EPS8: variants seen among roughly 807,000 people sequenced by gnomAD.
The protein encoded by EPS8 is epidermal growth factor receptor kinase substrate 8.
A neutral mutation model predicts 103.8 loss-of-function variants in EPS8; 42 were observed. The ratio of observed to expected loss-of-function variants is 0.40; its 90% confidence interval spans 0.32 to 0.52. The LOEUF (loss-of-function observed/expected upper bound fraction) is 0.52. EPS8 is among the 20% of genes least tolerant of loss of function. The pLI, the probability that EPS8 is intolerant of heterozygous loss-of-function variation, is 0.40. For synonymous variants in EPS8, 344 were observed against 344.6 expected (o/e 1.00, Z 0.02); for missense variants, 969 against 1,005.1 (o/e 0.96, Z 0.49).
At position 15,747,848 on chromosome 12, in the gene EPS8, G is replaced by A. The variant is rs552613442; in HGVS notation, c.-22+41313C>T. The stretch of plus-strand genomic sequence containing the variant: ...ATCCTGGCTAACACGGTGAAACCCC[G>A]TCTCTACTAAAAATACAAAGAATTA... On this transcript the variant is annotated intron_variant, in intron 1 of 20. Transcript: ENST00000281172. The surrounding 1 kb of genome is among the most constrained non-coding windows in gnomAD (Gnocchi z 4.4). Among the ~76,000 whole-genome samples the A allele has an allele frequency of 1.6e-4, 25 of 152,106 alleles. No individual in the cohort carries two copies. The East Asian group carries it at 2.1e-3, about 13-fold the overall frequency.
chr12:15,647,143 T>C lies in EPS8; in HGVS notation c.1552A>G (p.Asn518Asp), dbSNP rs1169878207. ...AAATGTTACCTATCTATATGGCGAT[T>C]AGAAGTTGGCTTAAAAGCAACAGCA... is the stretch of plus-strand genomic sequence containing the variant. Reference protein sequence around the residue: ...EAAVAFKPTSNRHIDRNYEPL... With the variant: ...EAAVAFKPTSDRHIDRNYEPL... The change falls in exon 15 of 21, where the codon AAT becomes GAT. Residue 518 changes from asparagine to aspartate, a missense_variant. By Grantham distance (23) the Asn-to-Asp change is conservative. Coordinates refer to ENST00000281172, the MANE Select transcript of EPS8 (RefSeq NM_004447.6). The C allele has an allele frequency of 6.2e-7, 1 of 1,613,812 alleles. No homozygotes were observed. Among genetic ancestry groups the C allele is most frequent in the South Asian group, 1.1e-5 (1 of 90,980 alleles).
Position 15,736,860 on chromosome 12 carries a change from T to C in EPS8, c.-22+52301A>G, listed in dbSNP as rs1220973779. ...CCCCAATAAACAGTACGCATGATGA[T>C]GAATTTACATTATGCTTATGAAGGA... On this transcript the variant is annotated intron_variant, in intron 1 of 20. Coordinates refer to ENST00000281172, the MANE Select transcript of EPS8 (RefSeq NM_004447.6). This position sits in a 1 kb window ranked among gnomAD's most constrained non-coding sequence, Gnocchi z 4.2. Among the ~76,000 whole-genome samples the C allele has an allele frequency of 2.0e-5, 3 of 152,156 alleles. No individual in the cohort carries two copies. The highest frequency in any genetic ancestry group is 4.4e-5 in the Non-Finnish European group (3 of 68,014).
rs909372540 is a variant in EPS8, at chr12:15,696,602, T to C, written c.-21-13630A>G. 6.6e-6 allele frequency among the ~76,000 whole-genome samples: 1 copy of C among 152,076 alleles called. No homozygotes were observed. The highest frequency in any genetic ancestry group is 1.5e-5 in the Non-Finnish European group (1 of 67,984). On this transcript the variant is annotated intron_variant, in intron 1 of 20. Coordinates refer to ENST00000281172, the MANE Select transcript of EPS8 (RefSeq NM_004447.6). The surrounding 1 kb of genome is among the most constrained non-coding windows in gnomAD (Gnocchi z 4.8). ...GTTGCAGTGAGCCAAGATCGCACCATTGAACTCCAGCCTGGCGACAGAGCG... is the reference window on the plus strand; with the variant it reads ...GTTGCAGTGAGCCAAGATCGCACCACTGAACTCCAGCCTGGCGACAGAGCG...
At chr12:15,653,555 A>G (rs1014014204) in intron 13 of EPS8, among the ~76,000 whole-genome samples, 1 of 152,154 alleles carries the variant, frequency 6.6e-6, no homozygotes, top group African/African-American at 2.4e-5. Context: ...CTACCTGGAC[A>G]GGCCCTTGCC....
At chr12:15,667,845 A>C (rs1417065380) in intron 6 of EPS8, among the ~76,000 whole-genome samples, 1 of 152,188 alleles carries the variant, frequency 6.6e-6, no homozygotes, top group East Asian at 1.9e-4. Flanking sequence ...TTTTGGGGTT[A>C]GGACAAAACT....
At chr12:15,710,345 T>C (rs1946445377) in intron 1 of EPS8, among the ~76,000 whole-genome samples, 1 of 152,184 alleles carries the variant, frequency 6.6e-6, no homozygotes, top group African/African-American at 2.4e-5. Flanking sequence ...TACATCTAAA[T>C]ATGACACAAA....
chr12:15,687,013 T>G (rs1946104723), intron 1 of EPS8, among the ~76,000 whole-genome samples: 1 of 152,016 alleles, frequency 6.6e-6, no homozygotes, highest in Non-Finnish European at 1.5e-5. Context: ...TACAACCAAG[T>G]GGGAGGGGGT....
intron 20 of EPS8, among the ~76,000 whole-genome samples, chr12:15,622,020 C>G (rs1235098593): frequency 1.3e-5 from 2 of 152,136 alleles, no homozygotes; most frequent in Non-Finnish European, 2.9e-5. Context: ...TAGTCAGCCT[C>G]TGCCTCAGTT....
intron 14 of EPS8, among the ~76,000 whole-genome samples, chr12:15,648,664 G>A (rs1945361420): frequency 6.6e-6 from 1 of 152,094 alleles, no homozygotes; most frequent in Admixed American, 6.5e-5. Flanking sequence ...TCTAACTGTT[G>A]GAAGCACCCA....
Position 15,745,010 on chromosome 12 carries a change from T to A in EPS8, c.-22+44151A>T, listed in dbSNP as rs1234185224. Among the ~76,000 whole-genome samples the A allele has an allele frequency of 2.0e-5, 3 of 152,100 alleles. No individual in the cohort carries two copies. Among genetic ancestry groups the A allele is most frequent in the African/African-American group, 7.2e-5 (3 of 41,402 alleles). ...TCCCAAGTAGCTGGGATTACTGGCA[T>A]GTGCCACCACGCCCAGCTAATTTTT... On this transcript the variant is annotated intron_variant, in intron 1 of 20. Coordinates refer to ENST00000281172, the MANE Select transcript of EPS8 (RefSeq NM_004447.6). The surrounding 1 kb of genome is among the most constrained non-coding windows in gnomAD (Gnocchi z 4.6).
intron 1 of EPS8, among the ~76,000 whole-genome samples, chr12:15,722,272 G>A (rs2135979134): frequency 6.6e-6 from 1 of 151,612 alleles, no homozygotes; most frequent in Middle Eastern, 3.5e-3. Flanking sequence ...ACTCAAAGCT[G>A]TCCTGGGCCT....
rs1021349620 is a variant in EPS8, at chr12:15,752,220, G to A, written c.-22+36941C>T. Among the ~76,000 whole-genome samples, 2 of 152,106 alleles carry A rather than the reference G, an allele frequency of 1.3e-5. No individual in the cohort carries two copies. The highest frequency in any genetic ancestry group is 4.8e-5 in the African/African-American group (2 of 41,418). ...CCCAGCACTTTGGGAGGCCGAGGCA[G>A]GCGGATCACGAGGTCAGGAGATCGA... On this transcript the variant is annotated intron_variant, in intron 1 of 20. Transcript: ENST00000281172. This position sits in a 1 kb window ranked among gnomAD's most constrained non-coding sequence, Gnocchi z 4.4.
In EPS8 at chr12:15,693,499, G is replaced by A. The variant is rs1008121384; in HGVS notation, c.-21-10527C>T. Among the ~76,000 whole-genome samples, 3 of 152,120 alleles carry A rather than the reference G, an allele frequency of 2.0e-5. No homozygotes were observed. The highest frequency in any genetic ancestry group is 7.2e-5 in the African/African-American group (3 of 41,414). On this transcript the variant is annotated intron_variant, in intron 1 of 20. Transcript: ENST00000281172. The surrounding 1 kb of genome is among the most constrained non-coding windows in gnomAD (Gnocchi z 5.6). Reference sequence around the variant, plus strand: ...CACTCTCACTGTTGAGTCAGTTGGAGGTTCTGAAATGAAAATAAGGTTGCT... The same window carrying A: ...CACTCTCACTGTTGAGTCAGTTGGAAGTTCTGAAATGAAAATAAGGTTGCT...
At chr12:15,753,878 A>C (rs1946958272) in intron 1 of EPS8, among the ~76,000 whole-genome samples, 2 of 152,354 alleles carry the variant, frequency 1.3e-5, no homozygotes, top group South Asian at 4.1e-4. Context: ...AAATCATGTA[A>C]ACATTAAGTA....
chr12:15,626,800 G>T (rs901045197), intron 18 of EPS8, among the ~76,000 whole-genome samples: 3 of 151,776 alleles, frequency 2.0e-5, no homozygotes, highest in African/African-American at 7.3e-5. Context: ...GGCTCCCTTG[G>T]TGCTCTTCAA....
chr12:15,785,473 T>C lies in EPS8; in HGVS notation c.-22+3688A>G, dbSNP rs1345089715. ...TTACATATAAACAAAGGGAGAAGGC[T>C]AGAATGATACCTGTGGTAATGAATT... On this transcript the variant is annotated intron_variant, in intron 1 of 20. Transcript: ENST00000281172. The surrounding 1 kb of genome is among the most constrained non-coding windows in gnomAD (Gnocchi z 4.9). 3.9e-5 allele frequency among the ~76,000 whole-genome samples: 6 copies of C among 152,174 alleles called. No individual in the cohort carries two copies. Among genetic ancestry groups the C allele is most frequent in the African/African-American group, 1.4e-4 (6 of 41,472 alleles).
At position 15,646,909 on chromosome 12, in the gene EPS8, C is replaced by T. The variant is rs76632599; in HGVS notation, c.1568+218G>A. ...ATCTTTTAAAAAATGGAAAGTCATC[C>T]AAAGGCATTTGCACTAAATGGGAAT... On this transcript the variant is annotated intron_variant, in intron 15 of 20. Coordinates refer to ENST00000281172, the MANE Select transcript of EPS8 (RefSeq NM_004447.6). 0.027 allele frequency among the ~76,000 whole-genome samples: 4,111 copies of T among 152,264 alleles called. 103 individuals are homozygous for T. Among genetic ancestry groups the T allele is most frequent in the African/African-American group, 0.072 (2,974 of 41,536 alleles).
At chr12:15,626,150 C>A (rs1944941606) in intron 18 of EPS8, among the ~76,000 whole-genome samples, 1 of 152,148 alleles carries the variant, frequency 6.6e-6, no homozygotes, top group Non-Finnish European at 1.5e-5. Context: ...TATACTACAT[C>A]CAATCCATCA....
Position 15,772,594 on chromosome 12 carries a change from A to G in EPS8, c.-22+16567T>C, listed in dbSNP as rs570021977. 6.6e-6 allele frequency among the ~76,000 whole-genome samples: 1 copy of G among 152,312 alleles called. No individual in the cohort carries two copies. Among genetic ancestry groups the G allele is most frequent in the South Asian group, 2.1e-4 (1 of 4,824 alleles). ...TAAAGCATTGGCTCTCACTGCTGCC[A>G]ACAGATGGTGCTAGAACTTACTTGA... On this transcript the variant is annotated intron_variant, in intron 1 of 20. Transcript: ENST00000281172. The surrounding 1 kb of genome is among the most constrained non-coding windows in gnomAD (Gnocchi z 5.0).
Sources: gnomAD v4.1 joint callset for allele counts (sites outside exome capture counted in the v4.1 genomes callset) on GRCh38, gnomAD v4.1.1 for gene constraint, Gnocchi (gnomAD v3.1) non-coding constraint, MANE v1.5 for transcripts, NCBI Gene and HGNC (gene_info 2026-07-23, HGNC 2026-07-21) for gene names.